The following GPD2 variants were observed in gnomAD, a reference collection of about 807,000 sequenced individuals.
The protein encoded by GPD2 is glycerol-3-phosphate dehydrogenase, mitochondrial.
GPD2 carries 54 observed loss-of-function variants against 82.4 expected under a neutral mutation model. That is an observed-to-expected ratio of 0.66 (90% confidence interval 0.53 to 0.82). The LOEUF (loss-of-function observed/expected upper bound fraction) is 0.82, where lower values mean the gene tolerates loss of function less well. Ranked by LOEUF, GPD2 falls within the 40% of genes least tolerant of loss-of-function variation. The probability of loss-of-function intolerance (pLI) is 0.00; values close to 1 mark genes in which losing one functional copy is unlikely to be tolerated. For missense variants in GPD2, 748 were observed against 896.2 expected (o/e 0.83, Z 2.11); for synonymous variants, 288 against 306.1 (o/e 0.94, Z 0.62).
chr2:156,538,037 G>C (rs1686147109), intron 6 of GPD2, among the ~76,000 whole-genome samples: 1 of 152,196 alleles, frequency 6.6e-6, no homozygotes, highest in African/African-American at 2.4e-5. Context: ...GTTGCAATTT[G>C]ACATTATTTT....
At chr2:156,515,609 A>G (rs776569430) in intron 6 of GPD2, among the ~76,000 whole-genome samples, 2 of 152,216 alleles carry the variant, frequency 1.3e-5, no homozygotes, top group African/African-American at 2.4e-5. Context: ...TCTTTAATCT[A>G]GAATTGATCT....
intron 2 of GPD2, among the ~76,000 whole-genome samples, chr2:156,485,915 G>A (rs535265458): frequency 1.3e-5 from 2 of 152,292 alleles, no homozygotes; most frequent in South Asian, 2.1e-4. Context: ...TATTGTTAGG[G>A]TTATGCCAAA....
intron 13 of GPD2, among the ~76,000 whole-genome samples, chr2:156,577,301 C>T (rs1687859190): frequency 2.0e-5 from 3 of 151,966 alleles, no homozygotes; most frequent in South Asian, 4.2e-4. Context: ...GCCTAGGCAT[C>T]ACAGGGAGAC....
intron 3 of GPD2, among the ~76,000 whole-genome samples, chr2:156,502,375 T>G (rs1684617907): frequency 6.6e-6 from 1 of 152,148 alleles, no homozygotes; most frequent in Non-Finnish European, 1.5e-5. Context: ...TTGGGAAATA[T>G]TTACAAAATA....
chr2:156,566,831 G>A (rs1251715425), intron 9 of GPD2, among the ~76,000 whole-genome samples: 1 of 152,010 alleles, frequency 6.6e-6, no homozygotes, highest in Non-Finnish European at 1.5e-5. Context: ...CAGTGTACAG[G>A]GGGTTCAGTT....
At chr2:156,565,832 G>A (rs1687368296) in intron 9 of GPD2, among the ~76,000 whole-genome samples, 1 of 81,970 alleles carries the variant, frequency 1.2e-5, no homozygotes, top group African/African-American at 4.3e-5. Flanking sequence ...GTAAGGCATG[G>A]TTTTGTTTTA....
At chr2:156,494,471 A>G (rs1280232953) in intron 2 of GPD2, among the ~76,000 whole-genome samples, 1 of 152,228 alleles carries the variant, frequency 6.6e-6, no homozygotes, top group Non-Finnish European at 1.5e-5. Flanking sequence ...TCTGATCCTA[A>G]TGTGGGTTTC....
At chr2:156,491,452 G>T (rs1270203691) in intron 2 of GPD2, among the ~76,000 whole-genome samples, 1 of 152,220 alleles carries the variant, frequency 6.6e-6, no homozygotes, top group East Asian at 1.9e-4. Context: ...GCTGACCCCT[G>T]ATTTAGCATA....
At position 156,476,208 on chromosome 2, in the gene GPD2, G is replaced by A. The variant is rs1263693385; in HGVS notation, c.102+1G>A. 6.8e-7 allele frequency: 1 copy of A among 1,475,986 alleles called. No homozygotes were observed. Among genetic ancestry groups the A allele is most frequent in the South Asian group, 1.1e-5 (1 of 88,268 alleles). 91.4% of individuals were successfully genotyped at this position (1,475,986 alleles called of 1,614,324 possible). On this transcript the variant is annotated splice_donor_variant, in intron 2 of 16. Transcript: ENST00000438166. LOFTEE classifies it high-confidence loss of function. ...GTTTGCTCATTACAGAAGGAAACAAGTAAGTAACTGTACTTGTGTTGATTA... is the reference window on the plus strand; with the variant it reads ...GTTTGCTCATTACAGAAGGAAACAAATAAGTAACTGTACTTGTGTTGATTA...
At chr2:156,497,127 C>T (rs1359408925) in intron 3 of GPD2, among the ~76,000 whole-genome samples, 2 of 152,130 alleles carry the variant, frequency 1.3e-5, no homozygotes, top group Non-Finnish European at 2.9e-5. Flanking sequence ...AATCTGGGTA[C>T]TTATCCTGGC....
At chr2:156,470,108 C>T (rs1369915214) in intron 1 of GPD2, among the ~76,000 whole-genome samples, 1 of 152,192 alleles carries the variant, frequency 6.6e-6, no homozygotes. Flanking sequence ...GATGGAGTTC[C>T]TCTGGTTCAC....
the GPD2 span, among the ~76,000 whole-genome samples, chr2:156,411,150 G>C: frequency 4.6e-5 from 7 of 152,224 alleles, no homozygotes; most frequent in African/African-American, 1.7e-4. Context: ...GAAAAAACAA[G>C]GGGGTAAGTA....
chr2:156,532,140 G>T (rs1026970052), intron 6 of GPD2, among the ~76,000 whole-genome samples: 1 of 152,002 alleles, frequency 6.6e-6, no homozygotes, highest in African/African-American at 2.4e-5. Flanking sequence ...TAAGACTATC[G>T]TTGTGCACCA....
intron 8 of GPD2, among the ~76,000 whole-genome samples, chr2:156,551,203 AAAAAAT>A (rs1686746908): frequency 1.2e-5 from 1 of 83,852 alleles, no homozygotes; most frequent in Admixed American, 1.3e-4. Flanking sequence ...AATAGATTAA[AAAAAAT>A]ATTGTAGCAA....
intron 9 of GPD2, among the ~76,000 whole-genome samples, chr2:156,565,923 T>C (rs1288359494): frequency 6.6e-6 from 1 of 152,120 alleles, no homozygotes; most frequent in Non-Finnish European, 1.5e-5. Context: ...CTGCTAGATA[T>C]ATACCTAACT....
At chr2:156,495,810 C>T in intron 2 of GPD2, 1 of 510,988 alleles carries the variant, frequency 2.0e-6, no homozygotes, top group East Asian at 3.7e-5. Flanking sequence ...GACATTGAAT[C>T]TGAAACCAGG....
At chr2:156,410,112 CT>C in the GPD2 span, among the ~76,000 whole-genome samples, 1 of 152,146 alleles carries the variant, frequency 6.6e-6, no homozygotes, top group Admixed American at 6.6e-5. Context: ...TAAAAATTAG[CT>C]TTTTGCTTTT....
At chr2:156,527,828 A>G (rs1373342985) in intron 6 of GPD2, among the ~76,000 whole-genome samples, 3 of 152,076 alleles carry the variant, frequency 2.0e-5, no homozygotes, top group Non-Finnish European at 4.4e-5. Flanking sequence ...AGGAATTTTA[A>G]ATTTTCTTAG....
rs115514780 is a variant in GPD2 at position 156,557,556 on chromosome 2, G to T, written c.1139G>T (p.Arg380Leu). 20 of 1,590,554 alleles carry T rather than the reference G, an allele frequency of 1.3e-5. No homozygotes were observed. The highest frequency in any genetic ancestry group is 1.7e-5 in the Admixed American group (1 of 59,960). The change falls in exon 9 of 17, where the codon CGT (arginine) becomes CTT (leucine). Residue 380 changes from arginine (R) to leucine (L), a missense_variant. Arg to Leu is a moderately radical substitution (Grantham distance 102). Around this residue, in one of 3 missense-constraint regions of GPD2, gnomAD observed 692 missense variants for 809.7 expected, o/e 0.85. Transcript: ENST00000438166. ...ATCAACTTCATTTTGAATGAAGTGC[G>T]TAATTACCTGAGTTGTGATGTTGAA... ...EDINFILNEVRNYLSCDVEVR... is the reference protein window; with the variant it reads ...EDINFILNEVLNYLSCDVEVR...
Sources: gnomAD v4.1 joint callset for allele counts (sites outside exome capture counted in the v4.1 genomes callset) on GRCh38, gnomAD v4.1.1 for gene constraint, gnomAD v4.1.1 regional missense constraint, MANE v1.5 for transcripts, NCBI Gene and HGNC (gene_info 2026-07-23, HGNC 2026-07-21) for gene names.